ENOX1: variants seen among roughly 807,000 people sequenced by gnomAD.
The protein encoded by ENOX1 is candidate growth-related and time keeping constitutive hydroquinone (NADH) oxidase.
ENOX1 carries 42 observed loss-of-function variants against 82.5 expected under a neutral mutation model. The ratio of observed to expected loss-of-function variants is 0.51; its 90% CI spans 0.40 to 0.66. The LOEUF is 0.66. Ranked by LOEUF, ENOX1 falls within the 30% of genes least tolerant of loss-of-function variation. ENOX1 has a pLI of 0.00. For synonymous variants in ENOX1, 271 were observed against 282.2 expected, an observed-to-expected ratio of 0.96 and a Z score of 0.40; for missense variants, 608 against 811.6, an observed-to-expected ratio of 0.75 and a Z score of 3.05.
At chr13:43,754,343 A>T (rs1457667214) in intron 1 of ENOX1, among the ~76,000 whole-genome samples, 6 of 139,614 alleles carry the variant, frequency 4.3e-5, no homozygotes, top group African/African-American at 8.4e-5. Flanking sequence ...ATATATTATT[A>T]TTATTATTTA....
intron 2 of ENOX1, among the ~76,000 whole-genome samples, chr13:43,514,473 G>T (rs2077485189): frequency 6.6e-6 from 1 of 151,948 alleles, no homozygotes; most frequent in Non-Finnish European, 1.5e-5. Flanking sequence ...TGTACTTGTA[G>T]CCAAACACAT....
chr13:43,727,698 A>T (rs1258690469), intron 1 of ENOX1, among the ~76,000 whole-genome samples: 1 of 152,098 alleles, frequency 6.6e-6, no homozygotes, highest in Non-Finnish European at 1.5e-5. Context: ...TCTCCCCTCT[A>T]CCCCACTTTT....
At chr13:43,661,815 C>T (rs2084746405) in intron 2 of ENOX1, among the ~76,000 whole-genome samples, 1 of 152,190 alleles carries the variant, frequency 6.6e-6, no homozygotes. Context: ...AGTTTTTAAA[C>T]TAAATCTGTG....
At chr13:43,551,742 A>G (rs912956669) in intron 2 of ENOX1, among the ~76,000 whole-genome samples, 1 of 152,030 alleles carries the variant, frequency 6.6e-6, no homozygotes, top group African/African-American at 2.4e-5. Context: ...TGTTCCTTAC[A>G]CCTTTCCTCT....
intron 6 of ENOX1, among the ~76,000 whole-genome samples, chr13:43,360,316 A>G (rs904410400): frequency 2.6e-5 from 4 of 152,212 alleles, no homozygotes; most frequent in African/African-American, 9.7e-5. Context: ...AAATGTTTGC[A>G]TAATTTCATT....
intron 2 of ENOX1, among the ~76,000 whole-genome samples, chr13:43,554,090 T>TG (rs1383427622): frequency 1.3e-5 from 2 of 152,126 alleles, no homozygotes; most frequent in Non-Finnish European, 2.9e-5. Context: ...TAATGCTACT[T>TG]GGGGAAAACA....
At chr13:43,393,553 A>AGATG (rs1253708317) in intron 5 of ENOX1, among the ~76,000 whole-genome samples, 1 of 152,012 alleles carries the variant, frequency 6.6e-6, no homozygotes, top group Non-Finnish European at 1.5e-5. Flanking sequence ...CAGATTAGAT[A>AGATG]GATGGATGGA....
chr13:43,308,776 C>T (rs141675224), intron 11 of ENOX1, among the ~76,000 whole-genome samples: 401 of 152,064 alleles, frequency 2.6e-3, no homozygotes, highest in African/African-American at 9.0e-3. Context: ...GGCTGTGAAC[C>T]ACACATTCAC....
intron 11 of ENOX1, among the ~76,000 whole-genome samples, chr13:43,311,904 C>A (rs2047223134): frequency 6.6e-6 from 1 of 152,176 alleles, no homozygotes; most frequent in Non-Finnish European, 1.5e-5. Context: ...CTTTAGGAGG[C>A]TCGGTAGATA....
intron 2 of ENOX1, among the ~76,000 whole-genome samples, chr13:43,632,680 C>A (rs2083268725): frequency 6.6e-6 from 1 of 152,154 alleles, no homozygotes; most frequent in Non-Finnish European, 1.5e-5. Flanking sequence ...CTCTTGACCT[C>A]AGGTGATCCA....
At chr13:43,251,962 T>C (rs969370485) in intron 14 of ENOX1, among the ~76,000 whole-genome samples, 12 of 152,320 alleles carry the variant, frequency 7.9e-5, no homozygotes, top group Admixed American at 6.5e-4. Context: ...TGCGTGTGTG[T>C]AGTGAGGGGA....
At chr13:43,504,855 T>C (rs1430221736) in intron 2 of ENOX1, among the ~76,000 whole-genome samples, 1 of 151,612 alleles carries the variant, frequency 6.6e-6, no homozygotes, top group Non-Finnish European at 1.5e-5. Flanking sequence ...TTGGAGGTGA[T>C]TAATATGTTT....
intron 1 of ENOX1, among the ~76,000 whole-genome samples, chr13:43,711,661 C>T (rs1253341928): frequency 6.6e-6 from 1 of 152,092 alleles, no homozygotes; most frequent in African/African-American, 2.4e-5. Flanking sequence ...TTGCATTTCT[C>T]TGATGGCCAG....
chr13:43,324,175 A>G (rs2047973140), intron 10 of ENOX1, among the ~76,000 whole-genome samples: 1 of 152,218 alleles, frequency 6.6e-6, no homozygotes, highest in Non-Finnish European at 1.5e-5. Flanking sequence ...GTGGACAGCT[A>G]ATTTTTCTAC....
chr13:43,416,120 C>T (rs2054499701), intron 3 of ENOX1, among the ~76,000 whole-genome samples: 4 of 140,938 alleles, frequency 2.8e-5, no homozygotes, highest in Admixed American at 2.1e-4. Context: ...TCCCCACTTC[C>T]CAGACGGGGT....
In ENOX1 at chr13:43,437,349, C is replaced by T. The variant is rs958644128; in HGVS notation, c.-74-24361G>A. Among the ~76,000 whole-genome samples, 11 of 152,290 alleles carry T rather than the reference C, an allele frequency of 7.2e-5. No individual in the cohort carries two copies. In the East Asian group the frequency reaches 1.9e-3, roughly 27 times the overall value. ...GAGCTAGCATCAGACATTCACAGAA[C>T]AAGCCAGTAAGACCCAATCCTGCAA... On this transcript the variant is annotated intron_variant, in intron 3 of 16. Transcript: ENST00000690772.
chr13:43,224,089 T>C lies in ENOX1; in HGVS notation c.1764A>G (p.Glu588=). 1 of 1,614,048 alleles carries C rather than the reference T, an allele frequency of 6.2e-7. No homozygotes were observed. The highest frequency in any genetic ancestry group is 1.7e-5 in the Admixed American group (1 of 60,014). ...GCTGCTGCATGTATGACCAAAGATA[T>C]TCTATGTTGGCTCCAAAAGGATGGA... The part of the protein sequence containing the change: ...LHVHPFGANI[E]YLWSYMQQLD... Residue 588 remains glutamate, a synonymous_variant, in exon 16 of 17, where the codon GAA becomes GAG. Coordinates refer to ENST00000690772, the MANE Select transcript of ENOX1 (RefSeq NM_001347969.2).
At chr13:43,387,337 A>G (rs1156733383) in intron 5 of ENOX1, among the ~76,000 whole-genome samples, 2 of 152,210 alleles carry the variant, frequency 1.3e-5, no homozygotes, top group African/African-American at 4.8e-5. Context: ...TCCTAAAAAC[A>G]AGGAGCTGGC....
chr13:43,766,363 C>A (rs1951264328), intron 1 of ENOX1, among the ~76,000 whole-genome samples: 1 of 152,182 alleles, frequency 6.6e-6, no homozygotes. Flanking sequence ...TACGTTCTTT[C>A]TAACCAAAAC....
Sources: gnomAD v4.1 joint callset for allele counts (sites outside exome capture counted in the v4.1 genomes callset) on GRCh38, gnomAD v4.1.1 for gene constraint, MANE v1.5 for transcripts, NCBI Gene and HGNC (gene_info 2026-07-23, HGNC 2026-07-21) for gene names.